CACNA2D3: variants seen among roughly 807,000 people sequenced by gnomAD.
CACNA2D3 encodes calcium voltage-gated channel auxiliary subunit alpha2delta 3.
Under a neutral mutation model 160.6 loss-of-function variants are expected in CACNA2D3, and 60 were observed. The ratio of observed to expected loss-of-function variants is 0.37; its 90% CI spans 0.30 to 0.46. The LOEUF (loss-of-function observed/expected upper bound fraction) is 0.46. Ranked by LOEUF, CACNA2D3 falls within the 20% of genes least tolerant of loss-of-function variation. The pLI, the probability that CACNA2D3 is intolerant of heterozygous loss-of-function variation, is 1.00. For missense variants in CACNA2D3, 1,205 were observed against 1,365.0 expected, an observed-to-expected ratio of 0.88 and a Z score of 1.85; for synonymous variants, 558 against 492.9, an observed-to-expected ratio of 1.13 and a Z score of -1.75.
intron 9 of CACNA2D3, 118 bp from the exon 10 acceptor site, chr3:54,627,669 T>G (rs769410410): frequency 1.3e-4 from 91 of 693,886 alleles, no homozygotes; most frequent in Non-Finnish European, 2.0e-4. Context: ...AAAAGTAAAT[T>G]ATGACCGGTT....
chr3:54,466,840 A>T (rs1700636964), intron 4 of CACNA2D3, among the ~76,000 whole-genome samples: 1 of 152,174 alleles, frequency 6.6e-6, no homozygotes, highest in Non-Finnish European at 1.5e-5. Context: ...GGGATTTTGT[A>T]GGCAATCCAG....
intron 23 of CACNA2D3, among the ~76,000 whole-genome samples, chr3:54,886,856 A>G (rs76891651): frequency 0.032 from 4,851 of 151,274 alleles, 190 homozygotes; most frequent in African/African-American, 0.091. Flanking sequence ...GCATTACTAT[A>G]TAGAATTCCA....
At chr3:54,388,605 C>T (rs1365435913) in intron 4 of CACNA2D3, among the ~76,000 whole-genome samples, 1 of 152,180 alleles carries the variant, frequency 6.6e-6, no homozygotes, top group African/African-American at 2.4e-5. Flanking sequence ...AGCGAAGCTG[C>T]TGAGAAGGGA....
intron 11 of CACNA2D3, among the ~76,000 whole-genome samples, chr3:54,669,898 C>A (rs1217734633): frequency 3.9e-5 from 6 of 152,122 alleles, no homozygotes; most frequent in Non-Finnish European, 8.8e-5. Flanking sequence ...ATCTACCCTC[C>A]TCAGCCTCCC....
At chr3:54,822,790 C>CTTTCTTTCTTT (rs1491160047) in intron 14 of CACNA2D3, among the ~76,000 whole-genome samples, 61 of 71,928 alleles carry the variant, frequency 8.5e-4, no homozygotes, top group East Asian at 1.4e-3. Context: ...TTCTTTCTTT[C>CTTTCTTTCTTT]CTTTCTTTCT....
chr3:54,615,251 A>G (rs531202219), intron 9 of CACNA2D3, among the ~76,000 whole-genome samples: 2 of 152,322 alleles, frequency 1.3e-5, no homozygotes, highest in South Asian at 4.1e-4. Context: ...GGAGACTACT[A>G]CTCATTTGTT....
intron 17 of CACNA2D3, among the ~76,000 whole-genome samples, chr3:54,858,191 G>A (rs1214419379): frequency 6.6e-6 from 1 of 152,040 alleles, no homozygotes; most frequent in African/African-American, 2.4e-5. Context: ...AGATTTGTCT[G>A]CACCTCCTTC....
chr3:54,909,889 G>A (rs1452941809), intron 27 of CACNA2D3, among the ~76,000 whole-genome samples: 1 of 152,084 alleles, frequency 6.6e-6, no homozygotes, highest in African/African-American at 2.4e-5. Context: ...GTGGCCCACG[G>A]AAGCCAAAAG....
chr3:54,437,292 A>G (rs370206177), intron 4 of CACNA2D3, among the ~76,000 whole-genome samples: 17 of 152,342 alleles, frequency 1.1e-4, no homozygotes, highest in African/African-American at 4.1e-4. Context: ...CCCTTTATTG[A>G]GAGACCTTTT....
At chr3:54,914,273 A>G (rs777507742) in intron 27 of CACNA2D3, among the ~76,000 whole-genome samples, 1 of 152,156 alleles carries the variant, frequency 6.6e-6, no homozygotes, top group Non-Finnish European at 1.5e-5. Flanking sequence ...TACCTGGAAA[A>G]CAGATTAAAA....
chr3:54,463,455 T>C lies in CACNA2D3; in HGVS notation c.382-40037T>C, dbSNP rs907314224. On this transcript the variant is annotated intron_variant, in intron 4 of 37. Coordinates refer to ENST00000474759, the MANE Select transcript of CACNA2D3 (RefSeq NM_018398.3). ...TCTTTTCACATAGTGCCATATTTCTTGGAGGCTTTGTTCATTTCTTTTTAT... is the reference window on the plus strand; with the variant it reads ...TCTTTTCACATAGTGCCATATTTCTCGGAGGCTTTGTTCATTTCTTTTTAT... Among the ~76,000 whole-genome samples the C allele has an allele frequency of 2.0e-5, 3 of 152,208 alleles. No individual in the cohort carries two copies. In the South Asian group the frequency reaches 6.2e-4, roughly 32 times the overall value.
intron 11 of CACNA2D3, among the ~76,000 whole-genome samples, chr3:54,722,513 C>CT (rs566430952): frequency 1.9e-3 from 296 of 152,278 alleles, no homozygotes; most frequent in African/African-American, 6.5e-3. Flanking sequence ...AATTTTCAGC[C>CT]TTTTTGTGCT....
At chr3:54,599,613 G>A (rs1018180663) in intron 9 of CACNA2D3, among the ~76,000 whole-genome samples, 1 of 152,022 alleles carries the variant, frequency 6.6e-6, no homozygotes, top group Non-Finnish European at 1.5e-5. Flanking sequence ...TAAGGTGGGG[G>A]GGAGGAAAAA....
At chr3:54,945,909 C>T (rs1356680786) in intron 27 of CACNA2D3, among the ~76,000 whole-genome samples, 2 of 152,152 alleles carry the variant, frequency 1.3e-5, no homozygotes, top group African/African-American at 4.8e-5. Context: ...TGGCGGGGGC[C>T]ATCCTCGTTG....
At chr3:54,320,363 TG>T in intron 2 of CACNA2D3, 78 bp from the exon 3 acceptor site, 1 of 595,076 alleles carries the variant, frequency 1.7e-6, no homozygotes, top group Non-Finnish European at 2.9e-6. Context: ...TTATTCCTTG[TG>T]GGTAGATGTG....
intron 12 of CACNA2D3, among the ~76,000 whole-genome samples, chr3:54,763,983 T>C (rs1702170205): frequency 6.6e-6 from 1 of 150,518 alleles, no homozygotes; most frequent in African/African-American, 2.4e-5. Flanking sequence ...TTATGGTTGA[T>C]TTTAATTTTA....
At chr3:54,532,309 G>A (rs968167624) in intron 5 of CACNA2D3, among the ~76,000 whole-genome samples, 5 of 152,164 alleles carry the variant, frequency 3.3e-5, no homozygotes, top group African/African-American at 1.2e-4. Flanking sequence ...TTGAGATTTA[G>A]GGCTGTGCAG....
At chr3:54,592,930 A>G (rs553829035) in intron 9 of CACNA2D3, among the ~76,000 whole-genome samples, 20 of 152,214 alleles carry the variant, frequency 1.3e-4, no homozygotes, top group Middle Eastern at 6.8e-3. Context: ...AAAACTTCCT[A>G]CCTTCTCTGG....
chr3:54,821,669 T>TTTCG lies in CACNA2D3; in HGVS notation c.1398+4802_1398+4803insGTTC, dbSNP rs1575495239. ...CTTTCTTTCTTTCTTTCTTTCTTTC[T>TTTCG]TTCTTTCTTTCTTTCTTTCTTTCTT... is the stretch of plus-strand genomic sequence containing the variant. On this transcript the variant is annotated intron_variant, in intron 14 of 37. Transcript: ENST00000474759. 5.9e-5 allele frequency among the ~76,000 whole-genome samples: 7 copies of TTTCG among 118,218 alleles called. No individual in the cohort carries two copies. The East Asian group carries it at 1.7e-3, about 29-fold the overall frequency. The allele number at this position is 118,218 out of a possible 152,430, so 77.6% of individuals were successfully genotyped here. A position where few individuals can be genotyped will look rare whatever the true frequency, so the allele number is the denominator to read the frequency against.
Sources: allele counts gnomAD v4.1 joint callset (sites outside exome capture counted in the v4.1 genomes callset), GRCh38; gene constraint gnomAD v4.1.1; transcripts MANE v1.5; gene names NCBI Gene and HGNC (gene_info 2026-07-23, HGNC 2026-07-21).